FBXO30: variants seen among roughly 807,000 people sequenced by gnomAD.
The protein encoded by FBXO30 is F-box only protein 30.
Under a neutral mutation model 58.1 loss-of-function variants are expected in FBXO30, and 21 were observed. The ratio of observed to expected loss-of-function variants is 0.36; its 90% CI spans 0.26 to 0.52. The LOEUF is 0.52. Among genes scored for constraint, FBXO30 ranks in the 20% least tolerant of loss-of-function variants. The pLI is 0.93. For missense variants in FBXO30, 744 were observed against 897.3 expected, an observed-to-expected ratio of 0.83 and a Z score of 2.18; for synonymous variants, 309 against 312.4, an observed-to-expected ratio of 0.99 and a Z score of 0.11.
intron 1 of FBXO30, among the ~76,000 whole-genome samples, chr6:145,811,642 ATT>A (rs762952827): frequency 3.3e-5 from 5 of 152,238 alleles, no homozygotes; most frequent in Admixed American, 6.5e-5. Flanking sequence ...AAGGTGCCCG[ATT>A]AGGGTAGAGA....
In FBXO30 at chr6:145,805,267, A is replaced by C; in HGVS notation, c.1139T>G (p.Val380Gly). The C allele has an allele frequency of 6.2e-7, 1 of 1,614,088 alleles. No individual in the cohort carries two copies. Among genetic ancestry groups the C allele is most frequent in the Non-Finnish European group, 8.5e-7 (1 of 1,179,966 alleles). ...VDLGDVKNVD[V>G]LSFSHAPSFN... The stretch of plus-strand genomic sequence containing the variant: ...TGAAGGAGCATGACTGAAAGATAAG[A>C]CATCCACATTCTTCACGTCCCCTAA... The change falls in exon 2 of 3, where the codon GTC (valine) becomes GGC (glycine). Residue 380 changes from valine (V) to glycine (G), a missense_variant. Physicochemically the swap from Val to Gly is moderately radical, Grantham distance 109 (BLOSUM62 -3). Transcript: ENST00000237281.
rs1778129019 is a variant in FBXO30 at position 145,805,281 on chromosome 6, C to T, written c.1125G>A (p.Val375=). The T allele has an allele frequency of 6.2e-7, 1 of 1,614,088 alleles. No individual in the cohort carries two copies. The highest frequency in any genetic ancestry group is 2.2e-5 in the East Asian group (1 of 44,878). ...LCWKKVDLGD[V]KNVDVLSFSH... Reference sequence around the variant, plus strand: ...TGAAAGATAAGACATCCACATTCTTCACGTCCCCTAAGTCTACTTTTTTCC... The same window carrying T: ...TGAAAGATAAGACATCCACATTCTTTACGTCCCCTAAGTCTACTTTTTTCC... Residue 375 remains valine, a synonymous_variant, in exon 2 of 3, where the codon GTG becomes GTA. Coordinates refer to ENST00000237281, the MANE Select transcript of FBXO30 (RefSeq NM_032145.5).
chr6:145,803,394 A>C (rs1778065952), intron 2 of FBXO30, among the ~76,000 whole-genome samples: 1 of 152,114 alleles, frequency 6.6e-6, no homozygotes, highest in African/African-American at 2.4e-5. Flanking sequence ...GCCTCAGGGA[A>C]ACCAAGTGGA....
rs997373654 is a variant in FBXO30 at position 145,798,447 on chromosome 6, C to T, written c.*1659G>A. 22 of 152,462 alleles carry T rather than the reference C, an allele frequency of 1.4e-4. No homozygotes were observed. The highest frequency in any genetic ancestry group is 5.3e-4 in the Admixed American group (8 of 15,230). The allele number at this position is 152,462 out of a possible 1,614,324, so 9.4% of individuals were successfully genotyped here. A position where few individuals can be genotyped will look rare whatever the true frequency, so the allele number is the denominator to read the frequency against. ...ATGCTTGTGCTATCCTAACCACAGACACATTCTTCAGCAAAACTTTAAAAG... is the reference window on the plus strand; with the variant it reads ...ATGCTTGTGCTATCCTAACCACAGATACATTCTTCAGCAAAACTTTAAAAG... On this transcript the variant is annotated 3_prime_UTR_variant, in exon 3 of 3. Coordinates refer to ENST00000237281, the MANE Select transcript of FBXO30 (RefSeq NM_032145.5).
At position 145,797,099 on chromosome 6, in the gene FBXO30, G is replaced by C. The variant is rs1025872821; in HGVS notation, c.*3007C>G. ...TACCCTACAATTTGAATATGTTCAC[G>C]ACTCTACAACCACTAAACAAGAGAA... is the stretch of plus-strand genomic sequence containing the variant. On this transcript the variant is annotated 3_prime_UTR_variant, in exon 3 of 3. Coordinates refer to ENST00000237281, the MANE Select transcript of FBXO30 (RefSeq NM_032145.5). 1 of 151,778 alleles carries C rather than the reference G, an allele frequency of 6.6e-6. No individual in the cohort carries two copies. Among genetic ancestry groups the C allele is most frequent in the African/African-American group, 2.4e-5 (1 of 41,340 alleles). The allele number at this position is 151,778 out of a possible 1,614,324, so 9.4% of individuals were successfully genotyped here.
Position 145,804,990 on chromosome 6 carries a change from T to G in FBXO30, c.1416A>C (p.Thr472=). ...AAGCTGAAGCTATCTCCCCAACCAT[T>G]GTACTTGTAGCTAATATTGCAGATG... ...SLPSAILATS[T]MVGEIASASA... is the part of the protein sequence containing the mutation. Residue 472 remains threonine (T), a synonymous_variant, in exon 2 of 3, where the codon ACA becomes ACC. Coordinates refer to ENST00000237281, the MANE Select transcript of FBXO30 (RefSeq NM_032145.5). 6.2e-7 allele frequency: 1 copy of G among 1,613,874 alleles called. No individual in the cohort carries two copies. The highest frequency in any genetic ancestry group is 8.5e-7 in the Non-Finnish European group (1 of 1,179,924).
At position 145,808,278 on chromosome 6, in the gene FBXO30, C is replaced by G. The variant is rs148002547; in HGVS notation, c.-16-1857G>C. 7.3e-5 allele frequency among the ~76,000 whole-genome samples: 11 copies of G among 151,564 alleles called. No individual in the cohort carries two copies. In the East Asian group the frequency reaches 1.9e-3, roughly 27 times the overall value. Reference sequence around the variant, plus strand: ...AATTTCCTATATATTCTTTAACTCTCTATTCTGGCCCCATTTTTACTACCC... The same window carrying G: ...AATTTCCTATATATTCTTTAACTCTGTATTCTGGCCCCATTTTTACTACCC... On this transcript the variant is annotated intron_variant, in intron 1 of 2. Transcript: ENST00000237281.
At chr6:145,802,961 G>A (rs906221078) in intron 2 of FBXO30, among the ~76,000 whole-genome samples, 1 of 152,106 alleles carries the variant, frequency 6.6e-6, no homozygotes, top group Non-Finnish European at 1.5e-5. Context: ...CAGACTAAGA[G>A]GGGGAGGACT....
intron 1 of FBXO30, among the ~76,000 whole-genome samples, chr6:145,813,803 T>G (rs887392138): frequency 6.6e-6 from 1 of 152,194 alleles, no homozygotes; most frequent in Non-Finnish European, 1.5e-5. Flanking sequence ...CCAAGCATCT[T>G]TTATCTGGGA....
intron 2 of FBXO30, among the ~76,000 whole-genome samples, chr6:145,802,874 A>C (rs1778046716): frequency 6.6e-6 from 1 of 152,056 alleles, no homozygotes; most frequent in African/African-American, 2.4e-5. Flanking sequence ...AATAAAAATA[A>C]AGGGGGGAGA....
chr6:145,809,592 A>G (rs764299204), intron 1 of FBXO30, among the ~76,000 whole-genome samples: 5 of 152,218 alleles, frequency 3.3e-5, no homozygotes, highest in Non-Finnish European at 5.9e-5. Context: ...GAAGGAAAGT[A>G]GTCAAGCTTC....
chr6:145,808,649 C>T (rs1219401954), intron 1 of FBXO30, among the ~76,000 whole-genome samples: 2 of 152,112 alleles, frequency 1.3e-5, no homozygotes, highest in African/African-American at 4.8e-5. Flanking sequence ...CTCTTTCAAA[C>T]TCCTCTTCAC....
chr6:145,812,080 C>T (rs192855288), intron 1 of FBXO30: 1 of 152,306 alleles, frequency 6.6e-6, no homozygotes, highest in African/African-American at 2.4e-5. Flanking sequence ...ATTCCCAACT[C>T]AAAGCACTAG....
At chr6:145,803,995 G>A (rs1778085278) in intron 2 of FBXO30, among the ~76,000 whole-genome samples, 1 of 152,048 alleles carries the variant, frequency 6.6e-6, no homozygotes, top group Non-Finnish European at 1.5e-5. Flanking sequence ...ACAATTACAA[G>A]CAGGAAAAAA....
Position 145,794,737 on chromosome 6 carries a change from T to C in FBXO30, c.*5369A>G, listed in dbSNP as rs1777836321. On this transcript the variant is annotated 3_prime_UTR_variant, in exon 3 of 3. Transcript: ENST00000237281. ...TAACACGGTTAAACCTGAATGCTGA[T>C]ACTTGTTAGATTCAGCAATACTTGC... The C allele has an allele frequency of 6.6e-6, 1 of 151,882 alleles. No homozygotes were observed. The highest frequency in any genetic ancestry group is 2.4e-5 in the African/African-American group (1 of 41,428). The allele number at this position is 151,882 out of a possible 1,614,324, so 9.4% of individuals were successfully genotyped here. A position where few individuals can be genotyped will look rare whatever the true frequency, so the allele number is the denominator to read the frequency against.
rs1356587568 is a variant in FBXO30 at position 145,796,755 on chromosome 6, A to C, written c.*3351T>G. The C allele has an allele frequency of 1.3e-5, 2 of 152,024 alleles. No homozygotes were observed. Among genetic ancestry groups the C allele is most frequent in the African/African-American group, 2.4e-5 (1 of 41,414 alleles). The allele number at this position is 152,024 out of a possible 1,614,324, so 9.4% of individuals were successfully genotyped here. A position where few individuals can be genotyped will look rare whatever the true frequency, so the allele number is the denominator to read the frequency against. ...GTTTTGCTTCCAAACACCTAAAACT[A>C]GTCAAATCTCCACAGGCAAAACTGT... On this transcript the variant is annotated 3_prime_UTR_variant, in exon 3 of 3. Transcript: ENST00000237281.
chr6:145,806,510 T>A, intron 1 of FBXO30, 89 bp from the exon 2 acceptor site: 4 of 952,078 alleles, frequency 4.2e-6, no homozygotes, highest in Non-Finnish European at 6.2e-6. Context: ...CTAATTTATC[T>A]AATATCTTGG....
chr6:145,796,856 A>T lies in FBXO30; in HGVS notation c.*3250T>A, dbSNP rs138072923. The T allele has an allele frequency of 6.6e-6, 1 of 152,048 alleles. No individual in the cohort carries two copies. The highest frequency in any genetic ancestry group is 1.5e-5 in the Non-Finnish European group (1 of 67,890). 9.4% of individuals were successfully genotyped at this position (152,048 alleles called of 1,614,324 possible). ...TGCTGAAAATCCTATTATCAGCAAC[A>T]TTACTAAGATCCCAACATCCAGTGT... On this transcript the variant is annotated 3_prime_UTR_variant, in exon 3 of 3. Transcript: ENST00000237281.
At chr6:145,807,918 T>C (rs575635332) in intron 1 of FBXO30, among the ~76,000 whole-genome samples, 55 of 151,876 alleles carry the variant, frequency 3.6e-4, no homozygotes, top group Non-Finnish European at 6.6e-4. Context: ...ATTTGAGGCC[T>C]GGAGTTCAAG....
Sources: allele counts gnomAD v4.1 joint callset (sites outside exome capture counted in the v4.1 genomes callset), GRCh38; gene constraint gnomAD v4.1.1; transcripts MANE v1.5; gene names NCBI Gene and HGNC (gene_info 2026-07-23, HGNC 2026-07-21).